Variants in TUSC3 observed in about 807,000 individuals in gnomAD.
The protein encoded by TUSC3 is dolichyl-diphosphooligosaccharide--protein glycosyltransferase subunit TUSC3.
TUSC3 carries 45 observed loss-of-function variants against 44.8 expected under a neutral mutation model. The observed-to-expected ratio is 1.00, with a 90% CI of 0.79 to 1.29. TUSC3 has a LOEUF of 1.29. Among genes scored for constraint, TUSC3 ranks in the 50% most tolerant of loss-of-function variants. The pLI, the probability that TUSC3 is intolerant of heterozygous loss-of-function variation, is 0.00. For missense variants in TUSC3, 519 were observed against 437.9 expected (o/e 1.19, Z -1.65); for synonymous variants, 212 against 152.9 (o/e 1.39, Z -2.85).
chr8:15,675,545 C>G (rs545034343), intron 6 of TUSC3, among the ~76,000 whole-genome samples: 43 of 151,666 alleles, frequency 2.8e-4, no homozygotes, highest in Non-Finnish European at 1.5e-5. Context: ...TATGAATGAT[C>G]TTGTCACCGA....
intron 1 of TUSC3, among the ~76,000 whole-genome samples, chr8:15,604,317 T>C (rs1804427648): frequency 6.6e-6 from 1 of 151,616 alleles, no homozygotes; most frequent in African/African-American, 2.4e-5. Context: ...GATAAAGGAA[T>C]TCAGAGGTAC....
At chr8:15,758,230 A>C in intron 10 of TUSC3, 2 of 1,006,570 alleles carry the variant, frequency 2.0e-6, no homozygotes, top group Non-Finnish European at 2.4e-6. Context: ...TTAACAAATA[A>C]TGTAAGCCTT....
At chr8:15,819,696 T>A in the TUSC3 span, among the ~76,000 whole-genome samples, 19 of 152,166 alleles carry the variant, frequency 1.2e-4, no homozygotes, top group Admixed American at 6.5e-5. Flanking sequence ...ATTCACTGAG[T>A]GCGACTTGAC....
At chr8:15,651,781 T>G (rs1451407880) in intron 3 of TUSC3, among the ~76,000 whole-genome samples, 1 of 152,206 alleles carries the variant, frequency 6.6e-6, no homozygotes, top group East Asian at 1.9e-4. Flanking sequence ...TAAGCTTATT[T>G]ACCCAGTATT....
Position 15,450,352 on chromosome 8 carries a change from GT to G in TUSC3, n.92-33029del, listed in dbSNP as rs548751053. On this transcript the variant is annotated intron_variant and non_coding_transcript_variant, in intron 1 of 5. Coordinates refer to the TUSC3 transcript ENST00000503191. ...GTGCAAACATTTTTTGGTAAATTGAGTTTTTAGGGCTGACTTTTCCCACTCA... is the reference window on the plus strand; with the variant it reads ...GTGCAAACATTTTTTGGTAAATTGAGTTTTAGGGCTGACTTTTCCCACTCA... Among the ~76,000 whole-genome samples the G allele has an allele frequency of 3.4e-4, 52 of 152,150 alleles. 2 individuals carry two copies. In the South Asian group the frequency reaches 1.0e-2, roughly 29 times the overall value.
At chr8:15,648,380 T>A (rs1356244463) in intron 2 of TUSC3, among the ~76,000 whole-genome samples, 1 of 152,106 alleles carries the variant, frequency 6.6e-6, no homozygotes, top group Non-Finnish European at 1.5e-5. Context: ...TACAAAGGCC[T>A]GACTAGACGC....
At chr8:15,818,990 G>A in the TUSC3 span, among the ~76,000 whole-genome samples, 1 of 152,288 alleles carries the variant, frequency 6.6e-6, no homozygotes, top group East Asian at 1.9e-4. Context: ...TTGGGAGGCT[G>A]AGGCAGGAGG....
chr8:15,768,229 G>C (rs551224272), downstream of TUSC3, among the ~76,000 whole-genome samples: 2 of 152,014 alleles, frequency 1.3e-5, no homozygotes, highest in South Asian at 4.2e-4. Context: ...CTAGGCTAAT[G>C]GAATAAATAC....
At chr8:15,699,423 A>G (rs1210062688) in intron 6 of TUSC3, among the ~76,000 whole-genome samples, 1 of 152,202 alleles carries the variant, frequency 6.6e-6, no homozygotes, top group Non-Finnish European at 1.5e-5. Flanking sequence ...CACTGATGGT[A>G]GTGAAACAGA....
chr8:15,843,621 T>TATATATATATATACACAC, the TUSC3 span, among the ~76,000 whole-genome samples: 168 of 146,752 alleles, frequency 1.1e-3, 5 homozygotes, highest in African/African-American at 4.2e-3. Flanking sequence ...TATATATATA[T>TATATATATATATACACAC]ACACGCACAT....
intron 2 of TUSC3, among the ~76,000 whole-genome samples, chr8:15,530,986 G>T (rs75226621): frequency 0.02 from 3,050 of 152,206 alleles, 107 homozygotes; most frequent in East Asian, 0.14. Context: ...CCTTCTGGGG[G>T]CATTCCACTG....
chr8:15,702,550 A>G (rs748473931), intron 6 of TUSC3, among the ~76,000 whole-genome samples: 1 of 152,028 alleles, frequency 6.6e-6, no homozygotes, highest in Non-Finnish European at 1.5e-5. Flanking sequence ...CTTTCTAGGC[A>G]ACCTGTTTCC....
At chr8:15,851,027 C>A in the TUSC3 span, among the ~76,000 whole-genome samples, 1 of 152,158 alleles carries the variant, frequency 6.6e-6, no homozygotes, top group African/African-American at 2.4e-5. Flanking sequence ...GGTAGGTTTG[C>A]TGATTGGTTC....
intron 1 of TUSC3, among the ~76,000 whole-genome samples, chr8:15,434,197 T>G (rs1799915282): frequency 6.6e-6 from 1 of 152,122 alleles, no homozygotes; most frequent in Non-Finnish European, 1.5e-5. Flanking sequence ...TTTATTACCC[T>G]AATTAATAAT....
At chr8:15,716,268 A>C (rs780512692) in intron 6 of TUSC3, among the ~76,000 whole-genome samples, 3 of 152,130 alleles carry the variant, frequency 2.0e-5, no homozygotes, top group Non-Finnish European at 4.4e-5. Context: ...GAAGAAAAAA[A>C]CAAAAATTCT....
chr8:15,611,358 G>A (rs1804752597), intron 1 of TUSC3, among the ~76,000 whole-genome samples: 2 of 152,046 alleles, frequency 1.3e-5, no homozygotes, highest in Non-Finnish European at 2.9e-5. Context: ...GCTAATTTTT[G>A]TATTTTTAGT....
chr8:15,489,607 G>T (rs1800779050), intron 2 of TUSC3, among the ~76,000 whole-genome samples: 2 of 152,234 alleles, frequency 1.3e-5, no homozygotes, highest in Admixed American at 6.5e-5. Flanking sequence ...TTTCTTTCAG[G>T]ATCTGCTGTC....
chr8:15,470,335 A>T (rs1025589935), intron 1 of TUSC3, among the ~76,000 whole-genome samples: 2 of 151,492 alleles, frequency 1.3e-5, no homozygotes, highest in African/African-American at 4.8e-5. Flanking sequence ...AGAGGTTTTT[A>T]GGGCAATACA....
chr8:15,721,119 C>A (rs1563189793), intron 6 of TUSC3, among the ~76,000 whole-genome samples: 3 of 151,952 alleles, frequency 2.0e-5, no homozygotes, highest in Non-Finnish European at 4.4e-5. Flanking sequence ...ATAATAACAT[C>A]TTTTTTTATC....
Sources: gnomAD v4.1 joint callset for allele counts (sites outside exome capture counted in the v4.1 genomes callset) on GRCh38, gnomAD v4.1.1 for gene constraint, MANE v1.5 for transcripts, NCBI Gene and HGNC (gene_info 2026-07-23, HGNC 2026-07-21) for gene names.